Variants in ATAD1 observed in about 807,000 individuals in gnomAD.
The protein encoded by ATAD1 is outer mitochondrial transmembrane helix translocase.
A neutral mutation model predicts 42.7 loss-of-function variants in ATAD1; 18 were observed. The observed-to-expected ratio is 0.42, with a 90% CI of 0.29 to 0.63. The LOEUF (loss-of-function observed/expected upper bound fraction) is 0.63. Ranked by LOEUF, ATAD1 falls within the 20% of genes least tolerant of loss-of-function variation. The probability of loss-of-function intolerance (pLI) is 0.19; values close to 1 mark genes in which losing one functional copy is unlikely to be tolerated. For synonymous variants in ATAD1, 132 were observed against 143.1 expected (o/e 0.92, Z 0.55); for missense variants, 294 against 440.4 (o/e 0.67, Z 2.98).
chr10:87,831,703 C>T (rs34525337), intron 1 of ATAD1, among the ~76,000 whole-genome samples: 26,582 of 152,128 alleles, frequency 0.17, 2,571 homozygotes, highest in Middle Eastern at 0.23. Flanking sequence ...CCCTATGATA[C>T]AACAAATATA....
intron 1 of ATAD1, chr10:87,832,682 CA>C (rs1554887495): frequency 6.6e-6 from 1 of 151,616 alleles, no homozygotes; most frequent in Non-Finnish European, 1.5e-5. Flanking sequence ...ATTTAAAATA[CA>C]ATTTAAAATT....
upstream of ATAD1, chr10:87,818,229 C>G: frequency 1.0e-6 from 1 of 985,546 alleles, no homozygotes; most frequent in Non-Finnish European, 1.2e-6. Context: ...GGAAACGCAA[C>G]CTGGGAGAGA....
intron 2 of ATAD1, among the ~76,000 whole-genome samples, chr10:87,813,262 ACAT>A: frequency 6.6e-6 from 1 of 152,242 alleles, no homozygotes; most frequent in Non-Finnish European, 1.5e-5. Flanking sequence ...TAATATTTTG[ACAT>A]CATACTTAAA....
intron 6 of ATAD1, among the ~76,000 whole-genome samples, chr10:87,772,981 C>T (rs1266509203): frequency 6.6e-6 from 1 of 152,054 alleles, no homozygotes; most frequent in Non-Finnish European, 1.5e-5. Flanking sequence ...TCTGTTCCTG[C>T]CTTCATTTGC....
At chr10:87,840,149 T>C (rs1010247919) in intron 1 of ATAD1, among the ~76,000 whole-genome samples, 3 of 152,250 alleles carry the variant, frequency 2.0e-5, no homozygotes, top group Non-Finnish European at 4.4e-5. Context: ...GTGATTTGGC[T>C]ACTTCCATCT....
At chr10:87,755,159 T>C (rs1034702587) in intron 9 of ATAD1, among the ~76,000 whole-genome samples, 3 of 152,230 alleles carry the variant, frequency 2.0e-5, no homozygotes, top group African/African-American at 4.8e-5. Flanking sequence ...TTTATTGAAA[T>C]GGGAATATAA....
At chr10:87,756,161 G>A (rs1854213884) in intron 9 of ATAD1, among the ~76,000 whole-genome samples, 3 of 152,176 alleles carry the variant, frequency 2.0e-5, no homozygotes, top group Non-Finnish European at 2.9e-5. Flanking sequence ...ACAAGAGTTG[G>A]AGAATTCCTT....
intron 2 of ATAD1, among the ~76,000 whole-genome samples, chr10:87,802,626 G>A (rs1382176435): frequency 6.8e-6 from 1 of 148,122 alleles, no homozygotes; most frequent in Non-Finnish European, 1.5e-5. Flanking sequence ...CTGGGTGACA[G>A]AGCAAGACTA....
intron 2 of ATAD1, among the ~76,000 whole-genome samples, chr10:87,798,625 G>GGGGTGTGTGTGTGTGTGTGTGTGTGTGT (rs1554881741): frequency 5.6e-5 from 7 of 124,938 alleles, no homozygotes; most frequent in Middle Eastern, 4.1e-3. Context: ...AGCTATAGGG[G>GGGGTGTGTGTGTGTGTGTGTGTGTGTGT]GTGTGTGTGT....
At chr10:87,837,072 G>A (rs555273219) in intron 1 of ATAD1, among the ~76,000 whole-genome samples, 193 of 151,636 alleles carry the variant, frequency 1.3e-3, no homozygotes, top group African/African-American at 4.4e-3. Flanking sequence ...TTAATCTTAC[G>A]TTCTGGTACA....
At chr10:87,812,686 T>G (rs1056597855) in intron 2 of ATAD1, among the ~76,000 whole-genome samples, 4 of 152,206 alleles carry the variant, frequency 2.6e-5, no homozygotes, top group Middle Eastern at 3.2e-3. Context: ...ACTGGTAAAT[T>G]ACTGTGGAAT....
At chr10:87,789,458 T>A (rs370478727) in intron 4 of ATAD1, among the ~76,000 whole-genome samples, 80 of 152,326 alleles carry the variant, frequency 5.3e-4, no homozygotes, top group African/African-American at 1.8e-3. Flanking sequence ...CAATGGCTCA[T>A]GCCTGTAATC....
At chr10:87,791,553 C>G (rs1268120736) in intron 3 of ATAD1, among the ~76,000 whole-genome samples, 3 of 152,070 alleles carry the variant, frequency 2.0e-5, no homozygotes, top group Non-Finnish European at 1.5e-5. Context: ...CAAGAAGGTA[C>G]CATTGTAAAT....
At chr10:87,828,216 G>A (rs1857763959) in intron 1 of ATAD1, among the ~76,000 whole-genome samples, 1 of 151,916 alleles carries the variant, frequency 6.6e-6, no homozygotes, top group Non-Finnish European at 1.5e-5. Context: ...TCCCATATTG[G>A]CCTCCCAAAA....
Position 87,797,049 on chromosome 10 carries a change from G to C in ATAD1, c.163-4294C>G, listed in dbSNP as rs114864970. 7.6e-3 allele frequency among the ~76,000 whole-genome samples: 1,150 copies of C among 152,298 alleles called. 16 individuals are homozygous for C. Among genetic ancestry groups the C allele is most frequent in the African/African-American group, 0.027 (1,107 of 41,564 alleles). ...TTTTTTCCTGCTTCTAGGATGTAGA[G>C]AGCAGTCTTCAGCCTGAGACCTATC... On this transcript the variant is annotated intron_variant, in intron 2 of 9. Coordinates refer to ENST00000680024, the MANE Select transcript of ATAD1 (RefSeq NM_001321967.2).
intron 8 of ATAD1, among the ~76,000 whole-genome samples, chr10:87,761,053 T>C (rs1296930745): frequency 6.6e-6 from 1 of 151,756 alleles, no homozygotes; most frequent in African/African-American, 2.4e-5. Context: ...GAACTCAAAG[T>C]CTGGAAGTTC....
Position 87,754,636 on chromosome 10 carries a change from T to C in ATAD1, c.*51A>G, listed in dbSNP as rs1161858628. 10 of 1,569,234 alleles carry C rather than the reference T, an allele frequency of 6.4e-6. No individual in the cohort carries two copies. The highest frequency in any genetic ancestry group is 6.9e-6 in the Non-Finnish European group (8 of 1,151,428). On this transcript the variant is annotated 3_prime_UTR_variant, in exon 10 of 10. Transcript: ENST00000680024. ...TTTCCGTTCTATTTCCACTAACTGA[T>C]AAGAGGACACACCAAACTAGATCAC... is the stretch of plus-strand genomic sequence containing the variant.
At chr10:87,765,177 G>T (rs893531510) in intron 8 of ATAD1, among the ~76,000 whole-genome samples, 2 of 152,068 alleles carry the variant, frequency 1.3e-5, no homozygotes, top group African/African-American at 4.8e-5. Flanking sequence ...AATTAGCCAT[G>T]GGGTTTCTGG....
At chr10:87,766,470 C>A (rs1274311013) in intron 8 of ATAD1, among the ~76,000 whole-genome samples, 1 of 151,978 alleles carries the variant, frequency 6.6e-6, no homozygotes, top group Non-Finnish European at 1.5e-5. Flanking sequence ...ATGGAAAGAT[C>A]TCAACGATAC....
Sources: allele counts gnomAD v4.1 joint callset (sites outside exome capture counted in the v4.1 genomes callset), GRCh38; gene constraint gnomAD v4.1.1; transcripts MANE v1.5; gene names NCBI Gene and HGNC (gene_info 2026-07-23, HGNC 2026-07-21).